Variants in PRDM5 observed in about 807,000 individuals in gnomAD.
The protein encoded by PRDM5 is PR/SET domain 5, also known as PR domain zinc finger protein 5.
In PRDM5, 56 loss-of-function variants were observed where a neutral mutation model predicts 81.2. The observed-to-expected ratio is 0.69, with a 90% confidence interval of 0.56 to 0.86. The LOEUF (loss-of-function observed/expected upper bound fraction) is 0.86, where lower values mean the gene tolerates loss of function less well. Among genes scored for constraint, PRDM5 ranks in the 40% least tolerant of loss-of-function variants. The pLI, the probability that PRDM5 is intolerant of heterozygous loss-of-function variation, is 0.00. For missense variants in PRDM5, 697 were observed against 770.1 expected (o/e 0.91, Z 1.12); for synonymous variants, 267 against 256.4 (o/e 1.04, Z -0.39).
chr4:120,849,297 C>A (rs113577826), intron 3 of PRDM5, among the ~76,000 whole-genome samples: 1 of 152,228 alleles, frequency 6.6e-6, no homozygotes, highest in Non-Finnish European at 1.5e-5. Context: ...TCACGTGTCG[C>A]CAGAGAAGAC....
At chr4:120,818,141 T>C (rs538606941) in intron 5 of PRDM5, 1 of 540,252 alleles carries the variant, frequency 1.9e-6, no homozygotes, top group Non-Finnish European at 3.3e-6. Flanking sequence ...TTAAAATCCA[T>C]AATTTGAATA....
intron 14 of PRDM5, among the ~76,000 whole-genome samples, chr4:120,733,328 C>G (rs940839797): frequency 4.6e-5 from 7 of 152,164 alleles, no homozygotes; most frequent in Non-Finnish European, 1.0e-4. Flanking sequence ...CTGACCCCCA[C>G]CTCATGCTCC....
chr4:120,921,965 G>C (rs866998913), intron 1 of PRDM5, among the ~76,000 whole-genome samples: 25 of 152,338 alleles, frequency 1.6e-4, no homozygotes, highest in African/African-American at 5.3e-4. Flanking sequence ...AGGAGGGAAG[G>C]AAATCCTGGG....
chr4:120,778,449 T>C (rs1748503155), intron 12 of PRDM5, among the ~76,000 whole-genome samples: 1 of 152,124 alleles, frequency 6.6e-6, no homozygotes, highest in South Asian at 2.1e-4. Context: ...CAAAGAACCA[T>C]CACCATAGCA....
chr4:120,744,092 A>C (rs951951622), intron 14 of PRDM5, among the ~76,000 whole-genome samples: 2 of 152,212 alleles, frequency 1.3e-5, no homozygotes, highest in African/African-American at 2.4e-5. Flanking sequence ...CTCAGACCAC[A>C]GTGCAATCAA....
intron 10 of PRDM5, among the ~76,000 whole-genome samples, chr4:120,786,292 A>G (rs1377500706): frequency 6.6e-6 from 1 of 152,182 alleles, no homozygotes; most frequent in African/African-American, 2.4e-5. Flanking sequence ...TAGAGAAAGC[A>G]TGAAAGAACA....
At chr4:120,707,581 A>G (rs913046065) in intron 15 of PRDM5, among the ~76,000 whole-genome samples, 2 of 151,984 alleles carry the variant, frequency 1.3e-5, no homozygotes, top group South Asian at 2.1e-4. Flanking sequence ...AACAAACAAA[A>G]AAAAACAACA....
intron 2 of PRDM5, among the ~76,000 whole-genome samples, chr4:120,855,322 A>G (rs2148476715): frequency 6.6e-6 from 1 of 152,316 alleles, no homozygotes; most frequent in Admixed American, 6.5e-5. Context: ...AATTTCTAAA[A>G]GAGCAATTTA....
intron 14 of PRDM5, among the ~76,000 whole-genome samples, chr4:120,747,007 C>A (rs1442081599): frequency 6.7e-6 from 1 of 148,960 alleles, no homozygotes; most frequent in Non-Finnish European, 1.5e-5. Flanking sequence ...CAGCATTATT[C>A]ACAATAGCAA....
chr4:120,887,135 G>A (rs950125812), intron 2 of PRDM5, among the ~76,000 whole-genome samples: 10 of 152,094 alleles, frequency 6.6e-5, no homozygotes, highest in African/African-American at 1.7e-4. Flanking sequence ...TAGTGGAGAC[G>A]GGGTTTCACT....
intron 2 of PRDM5, among the ~76,000 whole-genome samples, chr4:120,883,579 T>C (rs1763075848): frequency 1.6e-5 from 2 of 124,278 alleles, no homozygotes; most frequent in East Asian, 4.9e-4. Context: ...CCGGTGCCTG[T>C]TGTGGGGTGG....
Position 120,740,860 on chromosome 4 carries a change from T to C in PRDM5, c.1623+13693A>G, listed in dbSNP as rs369737581. On this transcript the variant is annotated intron_variant, in intron 14 of 15. Coordinates refer to ENST00000264808, the MANE Select transcript of PRDM5 (RefSeq NM_018699.4). Reference sequence around the variant, plus strand: ...CACACACAATAAAATGTTTTCACAATTCATACCAACTGCTCAATCTCAGCC... The same window carrying C: ...CACACACAATAAAATGTTTTCACAACTCATACCAACTGCTCAATCTCAGCC... 2.6e-5 allele frequency among the ~76,000 whole-genome samples: 4 copies of C among 152,192 alleles called. No individual in the cohort carries two copies. In the East Asian group the frequency reaches 7.7e-4, roughly 29 times the overall value.
At chr4:120,701,162 G>GT (rs771887306) in intron 15 of PRDM5, among the ~76,000 whole-genome samples, 47 of 144,226 alleles carry the variant, frequency 3.3e-4, no homozygotes, top group Non-Finnish European at 4.2e-4. Context: ...AAAAAAAGAG[G>GT]TAAAAAAAAA....
chr4:120,868,000 G>A (rs377100509), intron 2 of PRDM5, among the ~76,000 whole-genome samples: 26 of 152,180 alleles, frequency 1.7e-4, no homozygotes, highest in African/African-American at 5.8e-4. Flanking sequence ...TTTAAATATG[G>A]GTATTATGCT....
chr4:120,774,380 C>A (rs1747742926), intron 13 of PRDM5, among the ~76,000 whole-genome samples: 1 of 152,186 alleles, frequency 6.6e-6, no homozygotes, highest in South Asian at 2.1e-4. Context: ...TGAATAAAAC[C>A]AGGTGACTTC....
At position 120,747,854 on chromosome 4, in the gene PRDM5, A is replaced by C. The variant is rs78776750; in HGVS notation, c.1623+6699T>G. 2.6e-3 allele frequency among the ~76,000 whole-genome samples: 389 copies of C among 152,342 alleles called. 1 individual carries two copies. The highest frequency in any genetic ancestry group is 9.0e-3 in the African/African-American group (373 of 41,580). On this transcript the variant is annotated intron_variant, in intron 14 of 15. Transcript: ENST00000264808. Reference sequence around the variant, plus strand: ...TAGAAACTTGAAACCTGTATAAGTTAATTGGGTTTTTGAAATGTGTTCAAA... The same window carrying C: ...TAGAAACTTGAAACCTGTATAAGTTCATTGGGTTTTTGAAATGTGTTCAAA...
At chr4:120,854,901 C>T (rs1759696811) in intron 2 of PRDM5, among the ~76,000 whole-genome samples, 1 of 151,754 alleles carries the variant, frequency 6.6e-6, no homozygotes, top group Non-Finnish European at 1.5e-5. Flanking sequence ...GGAGAAAGGC[C>T]TTCGGTTTGG....
intron 14 of PRDM5, among the ~76,000 whole-genome samples, chr4:120,728,433 GT>G (rs1739764060): frequency 6.6e-6 from 1 of 151,838 alleles, no homozygotes; most frequent in Non-Finnish European, 1.5e-5. Flanking sequence ...ATGTATGTAT[GT>G]GTGTGTGTAT....
intron 14 of PRDM5, among the ~76,000 whole-genome samples, chr4:120,744,976 CAA>C (rs1183893564): frequency 6.9e-6 from 1 of 145,180 alleles, no homozygotes. Context: ...GAGACACAAC[CAA>C]AAAAGAGAAT....
Sources: allele counts gnomAD v4.1 joint callset (sites outside exome capture counted in the v4.1 genomes callset), GRCh38; gene constraint gnomAD v4.1.1; transcripts MANE v1.5; gene names NCBI Gene and HGNC (gene_info 2026-07-23, HGNC 2026-07-21).